The following NELL1 variants were observed in gnomAD, a reference collection of about 807,000 sequenced individuals.
NELL1 encodes neural EGFL like 1.
NELL1 carries 76 observed loss-of-function variants against 107.4 expected under a neutral mutation model. The ratio of observed to expected loss-of-function variants is 0.71; its 90% confidence interval spans 0.59 to 0.86. The LOEUF is 0.86. Among genes scored for constraint, NELL1 ranks in the 40% least tolerant of loss-of-function variants. The probability of loss-of-function intolerance (pLI) is 0.00; values close to 1 mark genes in which losing one functional copy is unlikely to be tolerated. For synonymous variants in NELL1, 353 were observed against 341.2 expected (o/e 1.03, Z -0.38); for missense variants, 1,024 against 1,005.5 (o/e 1.02, Z -0.25).
chr11:20,926,365 G>A (rs79872472), intron 7 of NELL1, among the ~76,000 whole-genome samples: 57 of 152,218 alleles, frequency 3.7e-4, no homozygotes, highest in African/African-American at 1.3e-3. Context: ...TGCCAAGTGT[G>A]GTCAAGACGA....
intron 15 of NELL1, among the ~76,000 whole-genome samples, chr11:21,462,654 G>A (rs1853927344): frequency 6.6e-6 from 1 of 152,026 alleles, no homozygotes; most frequent in South Asian, 2.1e-4. Context: ...GCCTCATACA[G>A]GTTTCTCTTT....
intron 15 of NELL1, among the ~76,000 whole-genome samples, chr11:21,528,745 T>C (rs1014680798): frequency 1.3e-5 from 2 of 152,134 alleles, no homozygotes; most frequent in African/African-American, 2.4e-5. Flanking sequence ...GATAAATAAC[T>C]TGCTCAAAGT....
chr11:21,266,146 C>G (rs1246611105), intron 14 of NELL1, among the ~76,000 whole-genome samples: 1 of 151,966 alleles, frequency 6.6e-6, no homozygotes, highest in East Asian at 1.9e-4. Context: ...TGAGGTCACT[C>G]TGGAACCATT....
At chr11:21,401,669 AGACTC>A (rs1159905569) in intron 15 of NELL1, among the ~76,000 whole-genome samples, 2 of 151,852 alleles carry the variant, frequency 1.3e-5, no homozygotes, top group African/African-American at 4.8e-5. Context: ...AAAGTAAGGC[AGACTC>A]ATTAGCATTT....
Position 21,534,489 on chromosome 11 carries a change from T to C in NELL1, c.1761T>C (p.Tyr587=). The C allele has an allele frequency of 6.2e-7, 1 of 1,613,824 alleles. No individual in the cohort carries two copies. The highest frequency in any genetic ancestry group is 8.5e-7 in the Non-Finnish European group (1 of 1,179,810). The change falls in exon 16 of 20, where the codon TAT becomes TAC. Residue 587 remains tyrosine (Y), a synonymous_variant. Coordinates refer to ENST00000357134, the MANE Select transcript of NELL1 (RefSeq NM_006157.5). ...GCGGTTTCCATGACGATGGGACCTA[T>C]TCACTGTCCGGGGAGTCCTGTATTG... ...CRSGFHDDGT[Y]SLSGESCIDI...
intron 13 of NELL1, chr11:21,170,036 A>G: frequency 2.5e-6 from 3 of 1,186,548 alleles, no homozygotes; most frequent in Non-Finnish European, 3.8e-6. Flanking sequence ...TGTCATCAGC[A>G]CAGACCACAT....
intron 12 of NELL1, among the ~76,000 whole-genome samples, chr11:21,064,982 G>T (rs1565040920): frequency 1.3e-5 from 2 of 152,136 alleles, no homozygotes; most frequent in Non-Finnish European, 2.9e-5. Flanking sequence ...TTTACAATTT[G>T]TAATTTTTAA....
chr11:21,563,878 G>C (rs138264516), intron 17 of NELL1, among the ~76,000 whole-genome samples: 2,691 of 152,100 alleles, frequency 0.018, 34 homozygotes, highest in Non-Finnish European at 0.03. Flanking sequence ...TAGAGATGTA[G>C]GGGAAGGTGA....
chr11:20,753,705 C>T (rs753425940), intron 2 of NELL1, among the ~76,000 whole-genome samples: 1 of 152,134 alleles, frequency 6.6e-6, no homozygotes, highest in Non-Finnish European at 1.5e-5. Flanking sequence ...CTGCATCCTC[C>T]TGGAATAAGG....
At chr11:20,794,953 C>G (rs1414181884) in intron 3 of NELL1, among the ~76,000 whole-genome samples, 2 of 152,172 alleles carry the variant, frequency 1.3e-5, no homozygotes, top group African/African-American at 4.8e-5. Flanking sequence ...GTAATCATGC[C>G]CCTGCCTTTT....
chr11:21,349,685 C>T (rs1850759653), intron 14 of NELL1, among the ~76,000 whole-genome samples: 1 of 151,678 alleles, frequency 6.6e-6, no homozygotes, highest in Non-Finnish European at 1.5e-5. Flanking sequence ...GTTATATTGT[C>T]TGTGGATAGA....
chr11:21,177,772 C>G (rs753239318), intron 13 of NELL1, among the ~76,000 whole-genome samples: 6 of 151,966 alleles, frequency 3.9e-5, no homozygotes, highest in South Asian at 2.1e-4. Flanking sequence ...CACATCCTCA[C>G]CAATACATGT....
chr11:21,058,928 G>A (rs1853672576), intron 12 of NELL1, among the ~76,000 whole-genome samples: 1 of 152,104 alleles, frequency 6.6e-6, no homozygotes, highest in Non-Finnish European at 1.5e-5. Context: ...TCCAGGATGA[G>A]ATTCATGATT....
At chr11:21,374,345 A>G (rs559088193) in intron 15 of NELL1, among the ~76,000 whole-genome samples, 1 of 152,168 alleles carries the variant, frequency 6.6e-6, no homozygotes, top group South Asian at 2.1e-4. Flanking sequence ...GTCTGTTTCC[A>G]AGATGGCTCA....
At chr11:21,008,198 A>G (rs1470066134) in intron 12 of NELL1, among the ~76,000 whole-genome samples, 1 of 152,154 alleles carries the variant, frequency 6.6e-6, no homozygotes, top group Admixed American at 6.6e-5. Context: ...ATTACTCTTT[A>G]TTGTTTCATA....
rs760077067 is a variant in NELL1, at chr11:20,885,576, A to G, written c.603+36A>G. ...ACGTTCTTTTTATTGAAGTATATAT[A>G]TAGGCGATGCTCAGTTTTCTGTGTT... On this transcript the variant is annotated intron_variant, in intron 5 of 19. Coordinates refer to ENST00000357134, the MANE Select transcript of NELL1 (RefSeq NM_006157.5). The G allele has an allele frequency of 8.5e-5, 105 of 1,232,958 alleles. No homozygotes were observed. Among genetic ancestry groups the G allele is most frequent in the Non-Finnish European group, 1.2e-4 (100 of 834,084 alleles). 76.4% of individuals were successfully genotyped at this position (1,232,958 alleles called of 1,614,324 possible).
intron 12 of NELL1, among the ~76,000 whole-genome samples, chr11:21,063,676 G>T (rs1853799006): frequency 6.6e-6 from 1 of 152,166 alleles, no homozygotes; most frequent in South Asian, 2.1e-4. Flanking sequence ...ACAACAGACT[G>T]AAAAGTGCAG....
intron 15 of NELL1, among the ~76,000 whole-genome samples, chr11:21,508,849 A>G (rs1855363837): frequency 6.6e-6 from 1 of 152,246 alleles, no homozygotes; most frequent in South Asian, 2.1e-4. Flanking sequence ...ATCAAGCATC[A>G]TATTTAGTTA....
At chr11:20,699,270 C>A (rs1318468056) in intron 2 of NELL1, among the ~76,000 whole-genome samples, 3 of 152,084 alleles carry the variant, frequency 2.0e-5, no homozygotes, top group African/African-American at 7.2e-5. Flanking sequence ...TCTCCAACTC[C>A]ATCCATGTTG....
Sources: gnomAD v4.1 joint callset for allele counts (sites outside exome capture counted in the v4.1 genomes callset) on GRCh38, gnomAD v4.1.1 for gene constraint, MANE v1.5 for transcripts, NCBI Gene and HGNC (gene_info 2026-07-23, HGNC 2026-07-21) for gene names.